Variants in CCSER1 observed in about 807,000 individuals in gnomAD.
The protein encoded by CCSER1 is serine-rich coiled-coil domain-containing protein 1.
A neutral mutation model predicts 82.0 loss-of-function variants in CCSER1; 41 were observed. The ratio of observed to expected loss-of-function variants is 0.50; its 90% CI spans 0.39 to 0.65. The LOEUF (loss-of-function observed/expected upper bound fraction) is 0.65, where lower values mean the gene tolerates loss of function less well. CCSER1 is among the 30% of genes least tolerant of loss of function. CCSER1 has a pLI of 0.00. For missense variants in CCSER1, 1,119 were observed against 1,064.2 expected (o/e 1.05, Z -0.72); for synonymous variants, 414 against 383.9 (o/e 1.08, Z -0.92).
chr4:91,380,241 G>GT (rs1300769540), intron 10 of CCSER1, among the ~76,000 whole-genome samples: 1 of 152,166 alleles, frequency 6.6e-6, no homozygotes, highest in African/African-American at 2.4e-5. Context: ...GGGGTGGAGA[G>GT]TTCTGTAGAT....
chr4:90,237,714 G>A (rs1471619866), intron 1 of CCSER1, among the ~76,000 whole-genome samples: 1 of 152,094 alleles, frequency 6.6e-6, no homozygotes, highest in Non-Finnish European at 1.5e-5. Context: ...TCTACCGTAG[G>A]GTGGACTTTT....
intron 1 of CCSER1, among the ~76,000 whole-genome samples, chr4:90,185,996 A>G (rs1265958140): frequency 1.3e-5 from 2 of 152,126 alleles, no homozygotes; most frequent in African/African-American, 4.8e-5. Flanking sequence ...CCTCACAATT[A>G]AGCATTTTCA....
At chr4:90,833,320 C>T (rs560857014) in intron 8 of CCSER1, among the ~76,000 whole-genome samples, 8 of 152,194 alleles carry the variant, frequency 5.3e-5, no homozygotes, top group Non-Finnish European at 8.8e-5. Context: ...ATGGCCTGAT[C>T]ACATCCTAAA....
chr4:91,287,687 G>A (rs1446474159), intron 10 of CCSER1, among the ~76,000 whole-genome samples: 1 of 151,914 alleles, frequency 6.6e-6, no homozygotes, highest in Non-Finnish European at 1.5e-5. Flanking sequence ...ATGTATTTAG[G>A]ATTAAAGAAG....
rs1017325223 is a variant in CCSER1, at chr4:90,943,470, A to C, written c.2172+20023A>C. On this transcript the variant is annotated intron_variant, in intron 9 of 10. Transcript: ENST00000509176. ...TGACTAACCTCTTGAAAACTACCTGATCCATTTCAGTAATGCCTATGCAAC... is the reference window on the plus strand; with the variant it reads ...TGACTAACCTCTTGAAAACTACCTGCTCCATTTCAGTAATGCCTATGCAAC... Among the ~76,000 whole-genome samples, 3 of 152,168 alleles carry C rather than the reference A, an allele frequency of 2.0e-5. No homozygotes were observed. In the East Asian group the frequency reaches 5.8e-4, roughly 29 times the overall value.
At chr4:90,482,323 C>T (rs1207535842) in intron 5 of CCSER1, among the ~76,000 whole-genome samples, 1 of 152,114 alleles carries the variant, frequency 6.6e-6, no homozygotes, top group South Asian at 2.1e-4. Flanking sequence ...AAAAAACCAG[C>T]TCCTGGATTC....
At chr4:90,861,370 A>G (rs1287545625) in intron 8 of CCSER1, among the ~76,000 whole-genome samples, 1 of 151,748 alleles carries the variant, frequency 6.6e-6, no homozygotes, top group East Asian at 1.9e-4. Context: ...TCCAAAAGCA[A>G]TAACACAGTA....
chr4:90,750,965 A>G (rs901253053), intron 7 of CCSER1, among the ~76,000 whole-genome samples: 1 of 152,190 alleles, frequency 6.6e-6, no homozygotes, highest in African/African-American at 2.4e-5. Flanking sequence ...TTATGAAAAT[A>G]TCAGACCTTT....
intron 5 of CCSER1, among the ~76,000 whole-genome samples, chr4:90,524,676 C>T (rs1773534259): frequency 6.6e-6 from 1 of 152,070 alleles, no homozygotes. Flanking sequence ...ACCATGTTGG[C>T]CAGGATGGTC....
At position 91,374,644 on chromosome 4, in the gene CCSER1, T is replaced by C. The variant is rs188472007; in HGVS notation, c.2218-223928T>C. On this transcript the variant is annotated intron_variant, in intron 10 of 10. Transcript: ENST00000509176. ...TGTTTTTATGCCTGCTAACACAACA[T>C]TCATTCTGCAACTCATGGATCAAGG... Among the ~76,000 whole-genome samples, 42 of 152,330 alleles carry C rather than the reference T, an allele frequency of 2.8e-4. 1 individual carries two copies. In the South Asian group the frequency reaches 3.1e-3, roughly 11 times the overall value.
At chr4:91,278,415 C>T (rs1742642919) in intron 10 of CCSER1, among the ~76,000 whole-genome samples, 1 of 152,092 alleles carries the variant, frequency 6.6e-6, no homozygotes, top group Non-Finnish European at 1.5e-5. Context: ...TGAATTGATC[C>T]TTTAATCATT....
Position 90,925,561 on chromosome 4 carries a change from C to CT in CCSER1, c.2172+2116dup, listed in dbSNP as rs1728954394. Among the ~76,000 whole-genome samples, 3 of 152,156 alleles carry CT rather than the reference C, an allele frequency of 2.0e-5. No homozygotes were observed. In the South Asian group the frequency reaches 6.2e-4, roughly 31 times the overall value. On this transcript the variant is annotated intron_variant, in intron 9 of 10. Coordinates refer to ENST00000509176, the MANE Select transcript of CCSER1 (RefSeq NM_001145065.2). ...ATGAACGACACCTCTGGGGAAATGA[C>CT]TTATCTGTGGATAGTTATTCTAACA...
intron 1 of CCSER1, among the ~76,000 whole-genome samples, chr4:90,262,735 T>G (rs1208777312): frequency 6.6e-6 from 1 of 152,082 alleles, no homozygotes; most frequent in Non-Finnish European, 1.5e-5. Context: ...TTAACTCCCC[T>G]GCCAGGCCAG....
intron 3 of CCSER1, among the ~76,000 whole-genome samples, chr4:90,330,246 A>G (rs1739034594): frequency 1.3e-5 from 2 of 152,150 alleles, no homozygotes; most frequent in African/African-American, 4.8e-5. Flanking sequence ...TTAAACTATC[A>G]GGGATTAGAA....
intron 5 of CCSER1, among the ~76,000 whole-genome samples, chr4:90,496,404 C>T (rs80184825): frequency 0.014 from 2,118 of 152,226 alleles, 17 homozygotes; most frequent in Middle Eastern, 0.024. Flanking sequence ...AGATTTGCCT[C>T]AGAGATTCAC....
intron 4 of CCSER1, among the ~76,000 whole-genome samples, chr4:90,412,081 T>C (rs1009327363): frequency 1.3e-5 from 2 of 151,884 alleles, no homozygotes; most frequent in Non-Finnish European, 2.9e-5. Flanking sequence ...CCAACAATGA[T>C]AGACTGGATT....
chr4:90,683,974 A>G (rs1407782180), intron 6 of CCSER1, among the ~76,000 whole-genome samples: 1 of 152,144 alleles, frequency 6.6e-6, no homozygotes, highest in Non-Finnish European at 1.5e-5. Flanking sequence ...GCAATTATAC[A>G]AAAGATGCCT....
chr4:90,127,878 G>C (rs1052908610), intron 1 of CCSER1, 47 bp downstream of exon 1: 1 of 152,122 alleles, frequency 6.6e-6, no homozygotes, highest in Non-Finnish European at 1.5e-5. Flanking sequence ...CGCGCGTCGC[G>C]TCGCCGCTTT....
chr4:90,662,455 T>G (rs1484944024), intron 6 of CCSER1, among the ~76,000 whole-genome samples: 1 of 152,134 alleles, frequency 6.6e-6, no homozygotes, highest in African/African-American at 2.4e-5. Flanking sequence ...TTTTACTCAC[T>G]ATGCTAATTG....
Sources: allele counts gnomAD v4.1 joint callset (sites outside exome capture counted in the v4.1 genomes callset), GRCh38; gene constraint gnomAD v4.1.1; transcripts MANE v1.5; gene names NCBI Gene and HGNC (gene_info 2026-07-23, HGNC 2026-07-21).